The following MID1 variants were observed in gnomAD, a reference collection of about 807,000 sequenced individuals.
MID1 encodes midline 1, also known as E3 ubiquitin-protein ligase Midline-1.
Under a neutral mutation model 40.4 loss-of-function variants are expected in MID1, and 7 were observed. The observed-to-expected ratio is 0.17, with a 90% CI of 0.10 to 0.33. The LOEUF is 0.33. Ranked by LOEUF, MID1 falls within the 10% of genes least tolerant of loss-of-function variation. The probability of loss-of-function intolerance (pLI) is 1.00; values close to 1 mark genes in which losing one functional copy is unlikely to be tolerated. For synonymous variants in MID1, 229 were observed against 221.2 expected (o/e 1.04, Z -0.31); for missense variants, 367 against 558.5 (o/e 0.66, Z 3.46).
At chrX:10,616,346 C>T (rs754035517) in intron 1 of MID1, among the ~76,000 whole-genome samples, 1 of 112,543 alleles carries the variant, frequency 8.9e-6, no homozygotes, top group Non-Finnish European at 1.9e-5. Flanking sequence ...TACTCTGGTG[C>T]GCTTAGCCAT....
At position 10,580,510 on chromosome X, in the gene MID1, C is replaced by T. The variant is rs371937026; in HGVS notation, c.-56-12907G>A. 6.2e-4 allele frequency among the ~76,000 whole-genome samples: 69 copies of T among 111,141 alleles called. 1 individual carries two copies. The South Asian group carries it at 0.026, about 42-fold the overall frequency. On this transcript the variant is annotated intron_variant, in intron 1 of 9. Coordinates refer to ENST00000317552, the MANE Select transcript of MID1 (RefSeq NM_000381.4). The stretch of plus-strand genomic sequence containing the variant: ...ATATAGTATACCGCTTTTGCCAAGT[C>T]ATGGTGGTAATATCTTATACTTTTC...
intron 1 of MID1, among the ~76,000 whole-genome samples, chrX:10,802,728 A>T (rs912185949): frequency 8.9e-6 from 1 of 112,223 alleles, no homozygotes. Flanking sequence ...GTGGATATGT[A>T]TGTTCATTAC....
At chrX:10,456,072 G>A (rs1928647568) in intron 8 of MID1, among the ~76,000 whole-genome samples, 1 of 112,260 alleles carries the variant, frequency 8.9e-6, no homozygotes, top group African/African-American at 3.2e-5. Context: ...TGTTGCAGTT[G>A]GCAGGTTCCT....
chrX:10,455,049 A>G lies in MID1; in HGVS notation c.1476T>C (p.Ser492=). 8.3e-7 allele frequency: 1 copy of G among 1,210,958 alleles called. No individual in the cohort carries two copies. The highest frequency in any genetic ancestry group is 2.2e-5 in the Admixed American group (1 of 46,057). The stretch of plus-strand genomic sequence containing the variant: ...GGGACACCTTCAGTTTTCGATGAGC[A>G]GATTTGGGATCCAGTTTAAATGGTT... ...NSQPFKLDPK[S]AHRKLKVSHD... The change falls in exon 9 of 10, where the codon TCT becomes TCC. Residue 492 remains serine (S), a synonymous_variant. Transcript: ENST00000317552.
At chrX:10,776,660 G>GT (rs756466671) in intron 1 of MID1, among the ~76,000 whole-genome samples, 69 of 111,162 alleles carry the variant, frequency 6.2e-4, no homozygotes, top group Middle Eastern at 9.3e-3. Flanking sequence ...GAGTCCATGA[G>GT]TTCAAGACCA....
At chrX:10,499,152 G>A (rs1225498268) in intron 3 of MID1, among the ~76,000 whole-genome samples, 1 of 111,809 alleles carries the variant, frequency 8.9e-6, no homozygotes, top group Non-Finnish European at 1.9e-5. Context: ...TGGGTGTGAA[G>A]TGGTATTTCA....
rs745794184 is a variant in MID1, at chrX:10,743,805, TAC to T, written c.-187+89747_-187+89748del. On this transcript the variant is annotated intron_variant, in intron 1 of 10. Transcript: ENST00000380785. ...AAATCAATTTCCTTACAGATGAGTT[TAC>T]ACATGCGATAAATCACACATGCTTT... Among the ~76,000 whole-genome samples, 14 of 112,210 alleles carry T rather than the reference TAC, an allele frequency of 1.2e-4. No homozygotes were observed. The South Asian group carries it at 4.8e-3, about 39-fold the overall frequency.
intron 1 of MID1, among the ~76,000 whole-genome samples, chrX:10,708,246 A>G (rs1177810096): frequency 8.9e-6 from 1 of 112,506 alleles, no homozygotes; most frequent in Non-Finnish European, 1.9e-5. Flanking sequence ...TAAAATGTAT[A>G]TTCTATGAAA....
rs750995903 is a variant in MID1, at chrX:10,528,125, C to T, written c.661-4938G>A. ...CTGCTTTTCCTAGAGGTCACATATC[C>T]TCCAAATTCCAGGCTGTAGATCAGC... On this transcript the variant is annotated intron_variant, in intron 2 of 9. Coordinates refer to ENST00000317552, the MANE Select transcript of MID1 (RefSeq NM_000381.4). Among the ~76,000 whole-genome samples the T allele has an allele frequency of 6.3e-5, 7 of 110,871 alleles. No individual in the cohort carries two copies. In the South Asian group the frequency reaches 2.7e-3, roughly 43 times the overall value.
intron 1 of MID1, among the ~76,000 whole-genome samples, chrX:10,765,932 GGAAAGGAAAGGAAAGAAAGAAAGAAA>G (rs968973527): frequency 2.8e-5 from 2 of 70,851 alleles, no homozygotes; most frequent in African/African-American, 1.3e-4. Context: ...AGAAAGGAAA[GGAAAGGAAAGGAAAGAAAGAAAGAAA>G]GAAAGAAAGA....
chrX:10,450,158 A>G (rs1219290782), intron 9 of MID1, among the ~76,000 whole-genome samples: 1 of 112,472 alleles, frequency 8.9e-6, no homozygotes, highest in Non-Finnish European at 1.9e-5. Context: ...GGCTGGTGAG[A>G]CTGAGGAACT....
chrX:10,553,780 T>C (rs1437187823), intron 2 of MID1, among the ~76,000 whole-genome samples: 2 of 111,956 alleles, frequency 1.8e-5, no homozygotes, highest in Non-Finnish European at 1.9e-5. Context: ...TTATTTATAT[T>C]AGAGTGGAAA....
intron 3 of MID1, chrX:10,501,300 C>A: frequency 1.3e-6 from 1 of 783,602 alleles, no homozygotes; most frequent in Non-Finnish European, 1.8e-6. Flanking sequence ...TTTTTTCTCA[C>A]CTCAAGTACA....
intron 1 of MID1, among the ~76,000 whole-genome samples, chrX:10,740,029 C>G: frequency 8.9e-6 from 1 of 112,748 alleles, no homozygotes; most frequent in Non-Finnish European, 1.9e-5. Flanking sequence ...ATATATTGAT[C>G]TAGAAAATGT....
chrX:10,537,141 G>C (rs1209690404), intron 2 of MID1, among the ~76,000 whole-genome samples: 1 of 111,100 alleles, frequency 9.0e-6, no homozygotes, highest in Non-Finnish European at 1.9e-5. Context: ...AAACAGTCAT[G>C]CTGAAGTTGC....
intron 1 of MID1, among the ~76,000 whole-genome samples, chrX:10,582,161 T>C (rs958481263): frequency 1.8e-5 from 2 of 111,626 alleles, no homozygotes; most frequent in Admixed American, 9.5e-5. Context: ...ATTTGCATCA[T>C]ACCTAAGCAA....
chrX:10,524,643 G>A lies in MID1; in HGVS notation c.661-1456C>T, dbSNP rs752782843. Among the ~76,000 whole-genome samples, 5 of 112,167 alleles carry A rather than the reference G, an allele frequency of 4.5e-5. No individual in the cohort carries two copies. In the East Asian group the frequency reaches 1.4e-3, roughly 31 times the overall value. On this transcript the variant is annotated intron_variant, in intron 2 of 9. Transcript: ENST00000317552. ...ATGCCAGACTCTGAAAGAGACAGTG[G>A]GGAAATCAAATAAAAATATTAATAT...
intron 1 of MID1, among the ~76,000 whole-genome samples, chrX:10,774,479 C>A (rs967253313): frequency 2.7e-5 from 3 of 109,994 alleles, no homozygotes; most frequent in Non-Finnish European, 5.7e-5. Flanking sequence ...GACCCTAACC[C>A]TATGCTTGAC....
At chrX:10,662,340 AC>A (rs1403754502) in intron 1 of MID1, among the ~76,000 whole-genome samples, 1 of 110,663 alleles carries the variant, frequency 9.0e-6, no homozygotes, top group Non-Finnish European at 1.9e-5. Flanking sequence ...AGATACACAC[AC>A]AAAACAAGCA....
Sources: allele counts gnomAD v4.1 joint callset (sites outside exome capture counted in the v4.1 genomes callset), GRCh38; gene constraint gnomAD v4.1.1; transcripts MANE v1.5; gene names NCBI Gene and HGNC (gene_info 2026-07-23, HGNC 2026-07-21).